RYR3: variants seen among roughly 807,000 people sequenced by gnomAD.
RYR3 encodes the protein ryanodine receptor 3.
A neutral mutation model predicts 584.3 loss-of-function variants in RYR3; 207 were observed. The observed-to-expected ratio is 0.35, with a 90% CI of 0.32 to 0.40. The LOEUF (loss-of-function observed/expected upper bound fraction) is 0.40, where lower values mean the gene tolerates loss of function less well. Ranked by LOEUF, RYR3 falls within the 10% of genes least tolerant of loss-of-function variation. The pLI is 1.00. For synonymous variants in RYR3, 2,416 were observed against 2,248.5 expected, an observed-to-expected ratio of 1.07 and a Z score of -2.11; for missense variants, 5,616 against 6,089.2, an observed-to-expected ratio of 0.92 and a Z score of 2.59.
chr15:33,852,353 G>C (rs1280764204), intron 94 of RYR3: 1 of 152,112 alleles, frequency 6.6e-6, no homozygotes, highest in African/African-American at 2.4e-5. Flanking sequence ...TTAACAGTAA[G>C]AAATATTTGC....
chr15:33,824,983 G>T (rs2077301689), intron 81 of RYR3, among the ~76,000 whole-genome samples: 1 of 152,166 alleles, frequency 6.6e-6, no homozygotes, highest in African/African-American at 2.4e-5. Context: ...AGGTTGTGGG[G>T]AGTAGGGACA....
chr15:33,427,180 G>A (rs2044719092), intron 1 of RYR3, among the ~76,000 whole-genome samples: 1 of 152,196 alleles, frequency 6.6e-6, no homozygotes, highest in Non-Finnish European at 1.5e-5. Flanking sequence ...GGGTATAGAA[G>A]TGTGTGGGTA....
At chr15:33,554,292 T>A (rs906505453) in intron 10 of RYR3, among the ~76,000 whole-genome samples, 2 of 10,980 alleles carry the variant, frequency 1.8e-4, no homozygotes, top group Non-Finnish European at 8.4e-4. Flanking sequence ...CTCCATTATC[T>A]TTTTTTTTTT....
chr15:33,796,923 T>C (rs567823919), intron 67 of RYR3, among the ~76,000 whole-genome samples: 3 of 152,294 alleles, frequency 2.0e-5, no homozygotes, highest in Admixed American at 6.5e-5. Context: ...GAATACTCTT[T>C]AGTGATTAAA....
chr15:33,587,842 G>A (rs925252606), intron 16 of RYR3, among the ~76,000 whole-genome samples: 1 of 152,078 alleles, frequency 6.6e-6, no homozygotes, highest in African/African-American at 2.4e-5. Flanking sequence ...ATGTATTTGT[G>A]GTCATTTTGC....
rs1890190951 is a variant in RYR3, at chr15:33,865,454, G to A, written c.*228G>A. 3 of 485,162 alleles carry A rather than the reference G, an allele frequency of 6.2e-6. No individual in the cohort carries two copies. Among genetic ancestry groups the A allele is most frequent in the East Asian group, 6.5e-5 (2 of 30,828 alleles). 30.1% of individuals were successfully genotyped at this position (485,162 alleles called of 1,614,324 possible). A position where few individuals can be genotyped will look rare whatever the true frequency, so the allele number is the denominator to read the frequency against. The stretch of plus-strand genomic sequence containing the variant: ...CAAAATGTCGAAGAAGGAAGGCGAA[G>A]AATCAAGTAATCTCTAGGCAAATGC... On this transcript the variant is annotated 3_prime_UTR_variant, in exon 104 of 104. Coordinates refer to ENST00000634891, the MANE Select transcript of RYR3 (RefSeq NM_001036.6).
At chr15:33,742,774 C>A (rs1596387190) in intron 52 of RYR3, among the ~76,000 whole-genome samples, 1 of 151,352 alleles carries the variant, frequency 6.6e-6, no homozygotes, top group African/African-American at 2.4e-5. Flanking sequence ...GGGAAGGCTG[C>A]TATTTAATTT....
At chr15:33,705,225 C>T (rs984692590) in intron 42 of RYR3, among the ~76,000 whole-genome samples, 1 of 151,914 alleles carries the variant, frequency 6.6e-6, no homozygotes, top group Non-Finnish European at 1.5e-5. Context: ...GCTTCCCTGA[C>T]ATTTTAAAGA....
At chr15:33,749,121 T>C (rs749863952) in intron 55 of RYR3, among the ~76,000 whole-genome samples, 97 of 152,160 alleles carry the variant, frequency 6.4e-4, no homozygotes, top group Admixed American at 1.7e-3. Context: ...AGGCTGACTA[T>C]ACTGTATCAA....
intron 7 of RYR3, among the ~76,000 whole-genome samples, chr15:33,542,523 GAAGGAGA>G (rs2055904552): frequency 1.3e-5 from 2 of 152,144 alleles, no homozygotes; most frequent in Admixed American, 1.3e-4. Context: ...AGGAAAATTG[GAAGGAGA>G]CTTCTGAATA....
At chr15:33,826,302 G>A (rs377050266) in intron 83 of RYR3, 33 bp downstream of exon 83, 49 of 1,608,252 alleles carry the variant, frequency 3.0e-5, no homozygotes, top group South Asian at 7.7e-5. Context: ...AGTTCCTACC[G>A]TGTGTGAATC....
At chr15:33,647,398 T>A in intron 29 of RYR3, 26 bp from the exon 30 acceptor site, 1 of 1,596,116 alleles carries the variant, frequency 6.3e-7, no homozygotes, top group African/African-American at 1.3e-5. Context: ...GCTGAATAAC[T>A]AAAACATGGA....
At chr15:33,746,959 C>T (rs2070785833) in intron 53 of RYR3, among the ~76,000 whole-genome samples, 2 of 151,382 alleles carry the variant, frequency 1.3e-5, no homozygotes, top group African/African-American at 4.9e-5. Flanking sequence ...TAGGCATGCA[C>T]CACCATGCCC....
chr15:33,336,412 C>A (rs1329758623), intron 1 of RYR3, among the ~76,000 whole-genome samples: 3 of 51,638 alleles, frequency 5.8e-5, no homozygotes, highest in South Asian at 6.4e-4. Context: ...GGCGACAGAG[C>A]GAGACGAAAG....
intron 1 of RYR3, among the ~76,000 whole-genome samples, chr15:33,312,552 G>A (rs1967488945): frequency 6.6e-6 from 1 of 152,132 alleles, no homozygotes; most frequent in Non-Finnish European, 1.5e-5. Context: ...AAAGCTGCCT[G>A]CTCCCCTCAA....
At chr15:33,842,073 G>A (rs751249866) in intron 91 of RYR3, 38 bp downstream of exon 91, 1 of 1,574,080 alleles carries the variant, frequency 6.4e-7, no homozygotes, top group Admixed American at 1.8e-5. Flanking sequence ...ATGGTGCAGG[G>A]ATTGGCCCAG....
intron 1 of RYR3, among the ~76,000 whole-genome samples, chr15:33,336,951 G>A (rs1476456182): frequency 1.3e-5 from 2 of 151,084 alleles, no homozygotes; most frequent in East Asian, 4.0e-4. Context: ...CCAGCTACTG[G>A]GGAGGCTGAG....
intron 38 of RYR3, among the ~76,000 whole-genome samples, chr15:33,684,182 T>G (rs1483086504): frequency 1.3e-5 from 2 of 152,226 alleles, no homozygotes; most frequent in Non-Finnish European, 2.9e-5. Flanking sequence ...GACTGCCTCC[T>G]CAAGTGGGTC....
rs1972678842 is a variant in RYR3, at chr15:33,347,918, AG to A, written c.51+36824del. Among the ~76,000 whole-genome samples, 4 of 151,026 alleles carry A rather than the reference AG, an allele frequency of 2.6e-5. No individual in the cohort carries two copies. The South Asian group carries it at 8.4e-4, about 32-fold the overall frequency. ...AGAGTGATATCAGAAACCAACTTCC[AG>A]GTACTATGTACCCTTGTTGCTACTG... On this transcript the variant is annotated intron_variant, in intron 1 of 103. Coordinates refer to ENST00000634891, the MANE Select transcript of RYR3 (RefSeq NM_001036.6).
Sources: gnomAD v4.1 joint callset for allele counts (sites outside exome capture counted in the v4.1 genomes callset) on GRCh38, gnomAD v4.1.1 for gene constraint, MANE v1.5 for transcripts, NCBI Gene and HGNC (gene_info 2026-07-23, HGNC 2026-07-21) for gene names.